Variants in ENPP2 observed in about 807,000 individuals in gnomAD.
The protein encoded by ENPP2 is autotaxin.
In ENPP2, 51 loss-of-function variants were observed where a neutral mutation model predicts 120.2. The ratio of observed to expected loss-of-function variants is 0.42; its 90% confidence interval spans 0.34 to 0.54. The LOEUF (loss-of-function observed/expected upper bound fraction) is 0.54, where lower values mean the gene tolerates loss of function less well. Ranked by LOEUF, ENPP2 falls within the 20% of genes least tolerant of loss-of-function variation. ENPP2 has a pLI of 0.04. For synonymous variants in ENPP2, 365 were observed against 366.4 expected (o/e 1.00, Z 0.04); for missense variants, 920 against 1,066.5 (o/e 0.86, Z 1.91).
chr8:119,600,929 C>G (rs1447600545), intron 10 of ENPP2, among the ~76,000 whole-genome samples, 179 bp from the exon 11 acceptor site: 1 of 152,030 alleles, frequency 6.6e-6, no homozygotes, highest in African/African-American at 2.4e-5. Flanking sequence ...GACCACCACC[C>G]CATCTGTAGT....
chr8:119,605,770 G>A (rs1034058578), intron 9 of ENPP2, among the ~76,000 whole-genome samples: 1 of 151,898 alleles, frequency 6.6e-6, no homozygotes, highest in East Asian at 1.9e-4. Context: ...CCCAGCCGAA[G>A]ATACTGTAAT....
intron 8 of ENPP2, among the ~76,000 whole-genome samples, chr8:119,611,514 G>A (rs543722539): frequency 1.3e-3 from 200 of 152,318 alleles, no homozygotes; most frequent in African/African-American, 4.6e-3. Flanking sequence ...GCATGTGGCC[G>A]GAGCTGCCGA....
chr8:119,657,302 T>G (rs959193958), intron 1 of ENPP2, among the ~76,000 whole-genome samples: 3 of 152,144 alleles, frequency 2.0e-5, no homozygotes, highest in African/African-American at 7.2e-5. Flanking sequence ...TAGTCTGTGG[T>G]AGAGAAATGA....
At chr8:119,638,692 T>C in intron 1 of ENPP2, 56 bp downstream of exon 1, 2 of 1,171,728 alleles carry the variant, frequency 1.7e-6, no homozygotes, top group Non-Finnish European at 2.6e-6. Context: ...AAAATGCCAA[T>C]CAGTCACTGA....
At chr8:119,597,749 C>T (rs2130523404) in intron 11 of ENPP2, among the ~76,000 whole-genome samples, 1 of 152,268 alleles carries the variant, frequency 6.6e-6, no homozygotes, top group East Asian at 1.9e-4. Flanking sequence ...TATTTTTGAA[C>T]ATTCACCATT....
intron 7 of ENPP2, 141 bp from the exon 8 acceptor site, chr8:119,616,525 CTG>C (rs1815472241): frequency 4.1e-6 from 2 of 486,854 alleles, no homozygotes; most frequent in African/African-American, 3.9e-5. Flanking sequence ...ATAACCTTCA[CTG>C]TGTATCTGTT....
chr8:119,668,322 A>G (rs1316784903), intron 1 of ENPP2, among the ~76,000 whole-genome samples: 2 of 152,170 alleles, frequency 1.3e-5, no homozygotes, highest in African/African-American at 4.8e-5. Flanking sequence ...TAGCACCCAG[A>G]ACTAGATACA....
intron 24 of ENPP2, among the ~76,000 whole-genome samples, chr8:119,560,764 T>G (rs7002854): frequency 0.34 from 51,016 of 152,014 alleles, 9,028 homozygotes; most frequent in African/African-American, 0.41. Context: ...GGATGGGCTC[T>G]TGGAGTCAGA....
chr8:119,640,452 C>T (rs1301392561), upstream of ENPP2, among the ~76,000 whole-genome samples: 1 of 152,168 alleles, frequency 6.6e-6, no homozygotes. Flanking sequence ...TCATTATATG[C>T]CACAGTGCTC....
intron 13 of ENPP2, among the ~76,000 whole-genome samples, chr8:119,588,503 T>C (rs1284385708): frequency 4.2e-5 from 5 of 117,730 alleles, no homozygotes; most frequent in African/African-American, 1.7e-4. Context: ...CACTCCAGCC[T>C]GGGCGACAGA....
Position 119,586,245 on chromosome 8 carries a change from G to A in ENPP2, c.1308C>T (p.Ala436=), listed in dbSNP as rs776578191. The change falls in exon 15 of 25, where the codon GCC becomes GCT. Residue 436 remains alanine, a synonymous_variant. Coordinates refer to ENST00000075322, the MANE Select transcript of ENPP2 (RefSeq NM_001040092.3). ...KQHLPKRLHY[A]NNRRIEDIHL... ...GGATATCCTCAATTCTTCTGTTGTT[G>A]GCATAGTGCAAACGTTTGGGAAGGT... 7 of 1,613,534 alleles carry A rather than the reference G, an allele frequency of 4.3e-6. No individual in the cohort carries two copies. Among genetic ancestry groups the A allele is most frequent in the Middle Eastern group, 1.6e-4 (1 of 6,082 alleles).
In ENPP2 at chr8:119,576,302, T is replaced by C. The variant is rs544046606; in HGVS notation, c.1780+3814A>G. Among the ~76,000 whole-genome samples, 6 of 152,282 alleles carry C rather than the reference T, an allele frequency of 3.9e-5. No individual in the cohort carries two copies. In the South Asian group the frequency reaches 1.2e-3, roughly 32 times the overall value. On this transcript the variant is annotated intron_variant, in intron 19 of 24. Coordinates refer to ENST00000075322, the MANE Select transcript of ENPP2 (RefSeq NM_001040092.3). ...ACAGGTGGATGCCACGATGCCCAGC[T>C]AATTTTTGTATTCTTAGTAGAGATG...
intron 4 of ENPP2, among the ~76,000 whole-genome samples, chr8:119,620,522 T>G (rs6469834): frequency 6.6e-6 from 1 of 152,232 alleles, no homozygotes; most frequent in South Asian, 2.1e-4. Flanking sequence ...AATCTTTTAA[T>G]GAACTTCTTC....
intron 19 of ENPP2, among the ~76,000 whole-genome samples, chr8:119,576,199 C>G (rs1383888541): frequency 6.6e-6 from 1 of 152,154 alleles, no homozygotes; most frequent in Non-Finnish European, 1.5e-5. Flanking sequence ...AGTACAATGG[C>G]GAGATCTCGA....
chr8:119,613,944 T>C (rs74452759), intron 8 of ENPP2, among the ~76,000 whole-genome samples: 66 of 152,074 alleles, frequency 4.3e-4, no homozygotes, highest in East Asian at 2.3e-3. Context: ...CCCTACTGTA[T>C]AATAGAACAC....
At chr8:119,671,043 T>C (rs774962742) in intron 1 of ENPP2, among the ~76,000 whole-genome samples, 1 of 151,430 alleles carries the variant, frequency 6.6e-6, no homozygotes, top group Non-Finnish European at 1.5e-5. Flanking sequence ...TCCTAGCATT[T>C]TGGGAGGCCG....
At chr8:119,662,190 A>G (rs1049538206) in intron 1 of ENPP2, among the ~76,000 whole-genome samples, 2 of 152,192 alleles carry the variant, frequency 1.3e-5, no homozygotes, top group East Asian at 1.9e-4. Context: ...AAATATTCTC[A>G]TCACCAATGA....
At position 119,586,317 on chromosome 8, in the gene ENPP2, A is replaced by C. The variant is rs1482557966; in HGVS notation, c.1240-4T>G. On this transcript the variant is annotated splice_region_variant and splice_polypyrimidine_tract_variant and intron_variant, in intron 14 of 24. Transcript: ENST00000075322. Reference sequence around the variant, plus strand: ...AGTGCTGATCTGGTTTTTTACACTGAAATAGAAATGGAAATCAGACTTCAG... The same window carrying C: ...AGTGCTGATCTGGTTTTTTACACTGCAATAGAAATGGAAATCAGACTTCAG... 5 of 1,613,238 alleles carry C rather than the reference A, an allele frequency of 3.1e-6. No individual in the cohort carries two copies. Among genetic ancestry groups the C allele is most frequent in the Non-Finnish European group, 4.2e-6 (5 of 1,179,614 alleles).
At chr8:119,574,963 C>T (rs1372309206) in intron 19 of ENPP2, among the ~76,000 whole-genome samples, 1 of 152,178 alleles carries the variant, frequency 6.6e-6, no homozygotes, top group East Asian at 1.9e-4. Context: ...ATAAATCCTA[C>T]AACAGAACAA....
Sources: allele counts gnomAD v4.1 joint callset (sites outside exome capture counted in the v4.1 genomes callset), GRCh38; gene constraint gnomAD v4.1.1; transcripts MANE v1.5; gene names NCBI Gene and HGNC (gene_info 2026-07-23, HGNC 2026-07-21).